The following MAP4K5 variants were observed in gnomAD, a reference collection of about 807,000 sequenced individuals.
MAP4K5 encodes the protein mitogen-activated protein kinase kinase kinase kinase 5.
MAP4K5 carries 82 observed loss-of-function variants against 135.6 expected under a neutral mutation model. The observed-to-expected ratio is 0.60, with a 90% CI of 0.51 to 0.73. The LOEUF is 0.73. Among genes scored for constraint, MAP4K5 ranks in the 30% least tolerant of loss-of-function variants. The pLI, the probability that MAP4K5 is intolerant of heterozygous loss-of-function variation, is 0.00. For missense variants in MAP4K5, 907 were observed against 1,010.9 expected (o/e 0.90, Z 1.39); for synonymous variants, 347 against 335.0 (o/e 1.04, Z -0.39).
intron 2 of MAP4K5, among the ~76,000 whole-genome samples, chr14:50,539,849 A>G (rs1281599013): frequency 6.6e-6 from 1 of 152,228 alleles, no homozygotes; most frequent in African/African-American, 2.4e-5. Flanking sequence ...CTTACAATCT[A>G]TGTGCTGAGA....
At chr14:50,491,738 T>G (rs966001941) in intron 3 of MAP4K5, among the ~76,000 whole-genome samples, 2 of 150,966 alleles carry the variant, frequency 1.3e-5, no homozygotes, top group African/African-American at 4.9e-5. Context: ...CAGGCTAGAG[T>G]ACAGTGGCAC....
intron 28 of MAP4K5, among the ~76,000 whole-genome samples, chr14:50,433,205 G>C (rs889832049): frequency 6.6e-6 from 1 of 152,174 alleles, no homozygotes; most frequent in Non-Finnish European, 1.5e-5. Flanking sequence ...TACCTTTTCT[G>C]TTAGCTGTAA....
intron 15 of MAP4K5, among the ~76,000 whole-genome samples, chr14:50,447,821 A>G (rs994036035): frequency 2.0e-5 from 3 of 152,142 alleles, no homozygotes; most frequent in Admixed American, 2.0e-4. Context: ...ACTAAATATC[A>G]TATTACTAAA....
chr14:50,466,732 G>C (rs2036842914), intron 10 of MAP4K5, 87 bp from the exon 11 acceptor site: 2 of 659,044 alleles, frequency 3.0e-6, no homozygotes, highest in East Asian at 2.8e-5. Context: ...ATTTATACAA[G>C]ACTACCACAT....
chr14:50,502,914 C>T (rs553576459), intron 3 of MAP4K5, among the ~76,000 whole-genome samples: 187 of 151,926 alleles, frequency 1.2e-3, no homozygotes, highest in Non-Finnish European at 2.5e-3. Flanking sequence ...AACAAACTTG[C>T]TCCTGATTGA....
In MAP4K5 at chr14:50,419,681, CT is replaced by C. The variant is rs1281955720; in HGVS notation, c.*337del. ...GATATAAAATGATCACTAAATTTAC[CT>C]CTCTTAAGATAATCACGAGTTATCT... On this transcript the variant is annotated 3_prime_UTR_variant, in exon 33 of 33. Coordinates refer to ENST00000682126, the MANE Select transcript of MAP4K5 (RefSeq NM_006575.6). The C allele has an allele frequency of 2.6e-5, 5 of 195,054 alleles. No individual in the cohort carries two copies. The highest frequency in any genetic ancestry group is 4.2e-5 in the Non-Finnish European group (4 of 94,482). 12.1% of individuals were successfully genotyped at this position (195,054 alleles called of 1,614,324 possible). A position where few individuals can be genotyped will look rare whatever the true frequency, so the allele number is the denominator to read the frequency against.
intron 30 of MAP4K5, among the ~76,000 whole-genome samples, chr14:50,426,255 C>A (rs188673205): frequency 4.4e-4 from 67 of 152,172 alleles, no homozygotes; most frequent in Non-Finnish European, 8.8e-4. Context: ...ATATTCATTT[C>A]TTTCATACAA....
chr14:50,508,386 C>T (rs2037857139), intron 2 of MAP4K5, among the ~76,000 whole-genome samples: 1 of 152,060 alleles, frequency 6.6e-6, no homozygotes, highest in Non-Finnish European at 1.5e-5. Flanking sequence ...ACCATGCAGC[C>T]ATAAAAAGGA....
intron 1 of MAP4K5, chr14:50,560,272 A>G (rs1196523574): frequency 6.2e-7 from 1 of 1,614,026 alleles, no homozygotes; most frequent in Non-Finnish European, 8.5e-7. Flanking sequence ...CACCATGGCC[A>G]AGAACCGCAG....
chr14:50,421,680 A>C (rs546647086), intron 32 of MAP4K5, among the ~76,000 whole-genome samples: 1 of 152,030 alleles, frequency 6.6e-6, no homozygotes, highest in South Asian at 2.1e-4. Flanking sequence ...AGTCTGAAGG[A>C]AGTAGTTTTT....
intron 9 of MAP4K5, 64 bp downstream of exon 9, chr14:50,475,013 G>A (rs1413871345): frequency 1.6e-5 from 21 of 1,295,410 alleles, no homozygotes; most frequent in Admixed American, 3.4e-5. Context: ...ACCAAGTATC[G>A]AGGTTGATCA....
intron 2 of MAP4K5, among the ~76,000 whole-genome samples, chr14:50,509,185 G>C (rs189176652): frequency 7.0e-6 from 1 of 142,542 alleles, no homozygotes; most frequent in Non-Finnish European, 1.5e-5. Flanking sequence ...TGAACAACAA[G>C]AACACTTGGA....
intron 2 of MAP4K5, among the ~76,000 whole-genome samples, chr14:50,527,838 A>T (rs1423659209): frequency 5.5e-4 from 9 of 16,380 alleles, no homozygotes; most frequent in African/African-American, 1.3e-3. Flanking sequence ...TAATAATAAT[A>T]AATAAATAAA....
At chr14:50,489,653 C>T (rs2037439174) in intron 3 of MAP4K5, among the ~76,000 whole-genome samples, 4 of 152,170 alleles carry the variant, frequency 2.6e-5, no homozygotes, top group Admixed American at 6.6e-5. Flanking sequence ...CTACCTCCAT[C>T]CATGGCACTG....
rs371511824 is a variant in MAP4K5 at position 50,475,977 on chromosome 14, A to G, written c.469+151T>C. 26 of 452,370 alleles carry G rather than the reference A, an allele frequency of 5.7e-5. 1 individual carries two copies. Among genetic ancestry groups the G allele is most frequent in the African/African-American group, 3.7e-4 (18 of 48,796 alleles). 28.0% of individuals were successfully genotyped at this position (452,370 alleles called of 1,614,324 possible). A position where few individuals can be genotyped will look rare whatever the true frequency, so the allele number is the denominator to read the frequency against. ...TTCCTTAAAATGAGTTTTGGGAGTA[A>G]AATTACTGGATCAAAAGTTAAACAT... On this transcript the variant is annotated intron_variant, in intron 8 of 32. Coordinates refer to ENST00000682126, the MANE Select transcript of MAP4K5 (RefSeq NM_006575.6).
At chr14:50,468,386 TTTTA>T (rs2036879362) in intron 10 of MAP4K5, 1 of 354,670 alleles carries the variant, frequency 2.8e-6, no homozygotes, top group Admixed American at 4.2e-5. Flanking sequence ...ACAAGACAGG[TTTTA>T]TTTATTTAAA....
At chr14:50,507,187 T>C (rs922785695) in intron 2 of MAP4K5, among the ~76,000 whole-genome samples, 2 of 152,198 alleles carry the variant, frequency 1.3e-5, no homozygotes, top group African/African-American at 4.8e-5. Flanking sequence ...CTTAATTCTA[T>C]TTATTTAAAC....
chr14:50,546,697 A>T (rs58132301), intron 1 of MAP4K5, among the ~76,000 whole-genome samples: 1 of 152,164 alleles, frequency 6.6e-6, no homozygotes, highest in Non-Finnish European at 1.5e-5. Context: ...CATGAAAGTT[A>T]TAAGACTGTA....
rs542663470 is a variant in MAP4K5, at chr14:50,497,434, T to G, written c.166+7366A>C. Among the ~76,000 whole-genome samples the G allele has an allele frequency of 2.0e-5, 3 of 152,324 alleles. No homozygotes were observed. The South Asian group carries it at 6.2e-4, about 32-fold the overall frequency. ...ACAAATATTTTACTTTACAGAATATTTTTAAAAATCAAGATTGTTAGGTTT... is the reference window on the plus strand; with the variant it reads ...ACAAATATTTTACTTTACAGAATATGTTTAAAAATCAAGATTGTTAGGTTT... On this transcript the variant is annotated intron_variant, in intron 3 of 32. Coordinates refer to ENST00000682126, the MANE Select transcript of MAP4K5 (RefSeq NM_006575.6).
Sources: gnomAD v4.1 joint callset for allele counts (sites outside exome capture counted in the v4.1 genomes callset) on GRCh38, gnomAD v4.1.1 for gene constraint, MANE v1.5 for transcripts, NCBI Gene and HGNC (gene_info 2026-07-23, HGNC 2026-07-21) for gene names.